LRRC4C: variants seen among roughly 807,000 people sequenced by gnomAD.
LRRC4C encodes leucine rich repeat containing 4C.
LRRC4C carries 5 observed loss-of-function variants against 33.6 expected under a neutral mutation model. The observed-to-expected ratio is 0.15, with a 90% CI of 0.08 to 0.31. LRRC4C has a LOEUF of 0.31. Ranked by LOEUF, LRRC4C falls within the 10% of genes least tolerant of loss-of-function variation. The pLI is 1.00. For missense variants in LRRC4C, 560 were observed against 796.7 expected (o/e 0.70, Z 3.58); for synonymous variants, 329 against 302.0 (o/e 1.09, Z -0.93).
chr11:40,722,886 T>A (rs1174980650), intron 2 of LRRC4C, among the ~76,000 whole-genome samples: 1 of 152,102 alleles, frequency 6.6e-6, no homozygotes, highest in African/African-American at 2.4e-5. Context: ...AAAGATGGCA[T>A]AGCTATATTA....
At chr11:40,911,108 C>G (rs544493968) in intron 2 of LRRC4C, among the ~76,000 whole-genome samples, 2 of 152,190 alleles carry the variant, frequency 1.3e-5, no homozygotes, top group South Asian at 4.1e-4. Flanking sequence ...TCTGTAGACT[C>G]CACCTCTGGG....
intron 1 of LRRC4C, among the ~76,000 whole-genome samples, chr11:41,101,013 T>A (rs189711749): frequency 6.6e-5 from 10 of 152,152 alleles, no homozygotes; most frequent in African/African-American, 1.7e-4. Flanking sequence ...TCAAGATGGA[T>A]TAAAGACTTA....
chr11:40,322,134 A>G (rs1233041140), intron 3 of LRRC4C, among the ~76,000 whole-genome samples: 1 of 152,184 alleles, frequency 6.6e-6, no homozygotes, highest in Non-Finnish European at 1.5e-5. Flanking sequence ...ATAAGATACA[A>G]TATGTTCAGG....
chr11:40,807,023 T>G (rs1428866665), intron 2 of LRRC4C, among the ~76,000 whole-genome samples: 1 of 152,184 alleles, frequency 6.6e-6, no homozygotes, highest in Non-Finnish European at 1.5e-5. Context: ...TATATTATAT[T>G]TTTAATGACC....
chr11:40,214,757 T>G (rs2135860513), intron 5 of LRRC4C, among the ~76,000 whole-genome samples: 1 of 152,270 alleles, frequency 6.6e-6, no homozygotes, highest in African/African-American at 2.4e-5. Flanking sequence ...ATATTAATTT[T>G]TGTTGTTTAA....
At chr11:41,332,626 A>G in intron 1 of LRRC4C, among the ~76,000 whole-genome samples, 1 of 152,206 alleles carries the variant, frequency 6.6e-6, no homozygotes, top group East Asian at 1.9e-4. Context: ...CTGTAGTAAA[A>G]AGTCTATTAA....
intron 3 of LRRC4C, among the ~76,000 whole-genome samples, chr11:40,614,998 G>C (rs1961621034): frequency 6.6e-6 from 1 of 151,424 alleles, no homozygotes; most frequent in Non-Finnish European, 1.5e-5. Context: ...CGTAACACAG[G>C]AACACAAAGT....
chr11:40,658,828 T>C (rs1943265545), intron 2 of LRRC4C, among the ~76,000 whole-genome samples: 1 of 152,216 alleles, frequency 6.6e-6, no homozygotes, highest in South Asian at 2.1e-4. Context: ...TAAGTAACTT[T>C]CCCTTACAAG....
At chr11:40,350,979 T>C (rs1947357062) in intron 3 of LRRC4C, among the ~76,000 whole-genome samples, 2 of 152,114 alleles carry the variant, frequency 1.3e-5, no homozygotes, top group Non-Finnish European at 2.9e-5. Flanking sequence ...TTAACAGTTT[T>C]TTTGATGGAG....
intron 3 of LRRC4C, among the ~76,000 whole-genome samples, chr11:40,558,609 T>C (rs11035918): frequency 6.6e-6 from 1 of 152,086 alleles, no homozygotes; most frequent in Non-Finnish European, 1.5e-5. Context: ...CTCCTGCCCC[T>C]GTACTGTGTC....
At chr11:40,780,018 C>A (rs1245537750) in intron 2 of LRRC4C, among the ~76,000 whole-genome samples, 1 of 152,072 alleles carries the variant, frequency 6.6e-6, no homozygotes. Context: ...TCTTTACTAG[C>A]AGAATGGTTC....
intron 2 of LRRC4C, among the ~76,000 whole-genome samples, chr11:40,667,241 C>G (rs1049649622): frequency 6.6e-6 from 1 of 152,138 alleles, no homozygotes; most frequent in African/African-American, 2.4e-5. Flanking sequence ...TTTTCACATT[C>G]TATGAGGAGC....
chr11:40,589,697 T>G (rs1301556895), intron 3 of LRRC4C, among the ~76,000 whole-genome samples: 1 of 151,886 alleles, frequency 6.6e-6, no homozygotes, highest in East Asian at 1.9e-4. Flanking sequence ...TCTCAGCATT[T>G]GCTTGTCTGT....
intron 3 of LRRC4C, among the ~76,000 whole-genome samples, chr11:40,420,515 A>C (rs1427486126): frequency 1.3e-5 from 2 of 152,102 alleles, no homozygotes; most frequent in African/African-American, 4.8e-5. Context: ...ATTTGTTCTA[A>C]AGTCCTTTAT....
intron 1 of LRRC4C, among the ~76,000 whole-genome samples, chr11:41,371,629 T>A (rs1205382788): frequency 6.6e-6 from 1 of 152,218 alleles, no homozygotes; most frequent in Non-Finnish European, 1.5e-5. Context: ...TCTGGCATTG[T>A]GGATTGCTAA....
intron 1 of LRRC4C, among the ~76,000 whole-genome samples, chr11:41,297,984 A>C (rs2137056080): frequency 6.6e-6 from 1 of 152,282 alleles, no homozygotes; most frequent in South Asian, 2.1e-4. Context: ...ACACCCTTAT[A>C]TCAATCAGGA....
intron 2 of LRRC4C, among the ~76,000 whole-genome samples, chr11:40,905,418 T>G (rs149693542): frequency 9.1e-4 from 139 of 152,042 alleles, no homozygotes; most frequent in Non-Finnish European, 1.8e-3. Context: ...GTACCATCTT[T>G]GAGGCATCCT....
intron 2 of LRRC4C, among the ~76,000 whole-genome samples, chr11:40,891,798 G>T (rs1325585635): frequency 6.6e-6 from 1 of 152,110 alleles, no homozygotes; most frequent in Non-Finnish European, 1.5e-5. Flanking sequence ...ATACACTGTT[G>T]GTAGGAGTAC....
intron 1 of LRRC4C, among the ~76,000 whole-genome samples, chr11:41,377,661 G>A (rs1395329235): frequency 6.6e-6 from 1 of 152,132 alleles, no homozygotes; most frequent in East Asian, 1.9e-4. Flanking sequence ...AGAAAACATA[G>A]ATGATCCTTC....
Sources: allele counts gnomAD v4.1 joint callset (sites outside exome capture counted in the v4.1 genomes callset), GRCh38; gene constraint gnomAD v4.1.1; transcripts MANE v1.5; gene names NCBI Gene and HGNC (gene_info 2026-07-23, HGNC 2026-07-21).